DLL1: variants seen among roughly 807,000 people sequenced by gnomAD.
DLL1 encodes delta like canonical Notch ligand 1, also known as delta-like protein 1.
In DLL1, 9 loss-of-function variants were observed where a neutral mutation model predicts 75.1. The observed-to-expected ratio is 0.12, with a 90% confidence interval of 0.07 to 0.21. DLL1 has a LOEUF of 0.21. DLL1 is among the 10% of genes least tolerant of loss of function. DLL1 has a pLI of 1.00. For synonymous variants in DLL1, 477 were observed against 418.3 expected (o/e 1.14, Z -1.71); for missense variants, 837 against 1,007.6 (o/e 0.83, Z 2.29).
rs1436432721 is a variant in DLL1 at position 170,282,242 on chromosome 6, A to T, written c.*632T>A. 1.3e-5 allele frequency: 2 copies of T among 153,196 alleles called. No homozygotes were observed. The highest frequency in any genetic ancestry group is 2.4e-5 in the African/African-American group (1 of 41,478). 9.5% of individuals were successfully genotyped at this position (153,196 alleles called of 1,614,324 possible). A position where few individuals can be genotyped will look rare whatever the true frequency, so the allele number is the denominator to read the frequency against. ...AAAATTTATTTTGGAAAAATATTTT[A>T]AAAAGGAATTTCTTCATTAACAAAA... On this transcript the variant is annotated 3_prime_UTR_variant, in exon 11 of 11. Coordinates refer to ENST00000366756, the MANE Select transcript of DLL1 (RefSeq NM_005618.4).
rs552150624 is a variant in DLL1 at position 170,288,176 on chromosome 6, C to T, written c.670+63G>A. The T allele has an allele frequency of 2.9e-5, 46 of 1,611,260 alleles. No homozygotes were observed. In the Middle Eastern group the frequency reaches 5.0e-4, roughly 18 times the overall value. The stretch of plus-strand genomic sequence containing the variant: ...AAGCCCCCCGTGGCTCAGGAAGCCC[C>T]GTCCCTGCGCGCGGTCCGTGTTCGT... On this transcript the variant is annotated intron_variant, in intron 4 of 10. Coordinates refer to ENST00000366756, the MANE Select transcript of DLL1 (RefSeq NM_005618.4).
In DLL1 at chr6:170,283,732, C is replaced by A; in HGVS notation, c.1547G>T (p.Cys516Phe). Residue 516 changes from cysteine to phenylalanine, a missense_variant, in exon 9 of 11, where the codon TGC becomes TTC. Cys to Phe is a radical substitution (Grantham distance 205). This residue lies in a region of DLL1 where 533 missense variants were observed against 545.7 expected (regional missense o/e 0.98). Transcript: ENST00000366756. Reference sequence around the variant, plus strand: ...GGGCAGCTCGGGGAGCAGGAACTGGCAGTTGGGACCCCCGTAGCCTCGGGC... The same window carrying A: ...GGGCAGCTCGGGGAGCAGGAACTGGAAGTTGGGACCCCCGTAGCCTCGGGC... ...ECARGYGGPN[C>F]QFLLPELPPG... 1 of 1,553,974 alleles carries A rather than the reference C, an allele frequency of 6.4e-7. No individual in the cohort carries two copies. The highest frequency in any genetic ancestry group is 8.7e-7 in the Non-Finnish European group (1 of 1,149,948).
At position 170,283,791 on chromosome 6, in the gene DLL1, G is replaced by A; in HGVS notation, c.1488C>T (p.Cys496=). Reference sequence around the variant, plus strand: ...ACACATAGCGGTGGCCCCTCTCGTGGCAGGTGGCCCCATTGTGGCAGGGTG... The same window carrying A: ...ACACATAGCGGTGGCCCCTCTCGTGACAGGTGGCCCCATTGTGGCAGGGTG... ...EHAPCHNGAT[C]HERGHRYVCE... Residue 496 remains cysteine, a synonymous_variant, in exon 9 of 11, where the codon TGC becomes TGT. Transcript: ENST00000366756. 1 of 1,596,284 alleles carries A rather than the reference G, an allele frequency of 6.3e-7. No individual in the cohort carries two copies. The highest frequency in any genetic ancestry group is 8.5e-7 in the Non-Finnish European group (1 of 1,173,770).
At chr6:170,284,442 C>T (rs1000712488) in intron 8 of DLL1, among the ~76,000 whole-genome samples, 1 of 152,220 alleles carries the variant, frequency 6.6e-6, no homozygotes, top group African/African-American at 2.4e-5. Context: ...GAAGGATGAC[C>T]ATTCCGGAAT....
At position 170,284,972 on chromosome 6, in the gene DLL1, C is replaced by G. The variant is rs1783661618; in HGVS notation, c.1196G>C (p.Gly399Ala). ...YSCRCPVGYS[G>A]FNCEKKIDYC... Reference sequence around the variant, plus strand: ...GTCAATTTTCTTCTCACAGTTGAAGCCGGAGTAGCCCACGGGGCAGCGGCA... The same window carrying G: ...GTCAATTTTCTTCTCACAGTTGAAGGCGGAGTAGCCCACGGGGCAGCGGCA... Residue 399 changes from glycine (G) to alanine (A), a missense_variant, in exon 8 of 11, where the codon GGC becomes GCC. This residue lies in a region of DLL1 where 533 missense variants were observed against 545.7 expected (regional missense o/e 0.98). Transcript: ENST00000366756. The G allele has an allele frequency of 1.2e-6, 2 of 1,614,042 alleles. No individual in the cohort carries two copies. The highest frequency in any genetic ancestry group is 2.7e-5 in the African/African-American group (2 of 74,928).
intron 4 of DLL1, among the ~76,000 whole-genome samples, chr6:170,287,479 T>G (rs1783728346): frequency 6.6e-6 from 1 of 151,982 alleles, no homozygotes; most frequent in South Asian, 2.1e-4. Flanking sequence ...GCTCCTGAGG[T>G]CCCCATGAGC....
chr6:170,286,327 C>T, intron 4 of DLL1, 29 bp from the exon 5 acceptor site: 1 of 1,614,132 alleles, frequency 6.2e-7, no homozygotes, highest in South Asian at 1.1e-5. Flanking sequence ...CAGGGTCAAG[C>T]CCCACGCCAA....
rs976723747 is a variant in DLL1, at chr6:170,290,469, G to A, written c.-330C>T. On this transcript the variant is annotated 5_prime_UTR_variant, in exon 1 of 11. Coordinates refer to ENST00000366756, the MANE Select transcript of DLL1 (RefSeq NM_005618.4). The surrounding 1 kb of genome is among the most constrained non-coding windows in gnomAD (Gnocchi z 4.7). Reference sequence around the variant, plus strand: ...AGGAGGTGAGGGTCGCCGGCTTCCTGGTTTTGTCTTGAGCTTCTTCGCAGG... The same window carrying A: ...AGGAGGTGAGGGTCGCCGGCTTCCTAGTTTTGTCTTGAGCTTCTTCGCAGG... The A allele has an allele frequency of 1.2e-5, 4 of 340,034 alleles. No homozygotes were observed. Among genetic ancestry groups the A allele is most frequent in the Non-Finnish European group, 2.1e-5 (4 of 189,124 alleles). 21.1% of individuals were successfully genotyped at this position (340,034 alleles called of 1,614,324 possible).
chr6:170,289,450 A>T, intron 2 of DLL1, 62 bp downstream of exon 2: 1 of 1,521,270 alleles, frequency 6.6e-7, no homozygotes, highest in Non-Finnish European at 8.8e-7. Context: ...GCGGGATCCC[A>T]GCGCGTCCTG....
In DLL1 at chr6:170,282,972, T is replaced by G. The variant is rs571716316; in HGVS notation, c.2166+16A>C. On this transcript the variant is annotated intron_variant, in intron 10 of 10. Coordinates refer to ENST00000366756, the MANE Select transcript of DLL1 (RefSeq NM_005618.4). The stretch of plus-strand genomic sequence containing the variant: ...CCCATGCCGAGGAGGAGGGAGCGGC[T>G]GCTGCCTGCACTGACCTCAGTTGCT... The G allele has an allele frequency of 9.3e-6, 15 of 1,613,692 alleles. No individual in the cohort carries two copies. The highest frequency in any genetic ancestry group is 1.3e-5 in the Non-Finnish European group (15 of 1,179,688).
At chr6:170,288,176 C>G in intron 4 of DLL1, 63 bp downstream of exon 4, 2 of 1,611,260 alleles carry the variant, frequency 1.2e-6, no homozygotes, top group Non-Finnish European at 1.7e-6. Context: ...CAGGAAGCCC[C>G]GTCCCTGCGC....
Position 170,282,451 on chromosome 6 carries a change from A to C in DLL1, c.*423T>G. 1 of 237,720 alleles carries C rather than the reference A, an allele frequency of 4.2e-6. No homozygotes were observed. Among genetic ancestry groups the C allele is most frequent in the Non-Finnish European group, 8.2e-6 (1 of 121,698 alleles). 14.7% of individuals were successfully genotyped at this position (237,720 alleles called of 1,614,324 possible). A position where few individuals can be genotyped will look rare whatever the true frequency, so the allele number is the denominator to read the frequency against. On this transcript the variant is annotated 3_prime_UTR_variant, in exon 11 of 11. Transcript: ENST00000366756. ...TGAAAAATATTTTTACAAATCCAAAAAATAACACACATCTTTTCCATCTAG... is the reference window on the plus strand; with the variant it reads ...TGAAAAATATTTTTACAAATCCAAACAATAACACACATCTTTTCCATCTAG...
Position 170,289,292 on chromosome 6 carries a change from C to T in DLL1, c.351+220G>A, listed in dbSNP as rs1173834174. The T allele has an allele frequency of 1.2e-5, 9 of 758,950 alleles. No individual in the cohort carries two copies. In the African/African-American group the frequency reaches 1.6e-4, roughly 13 times the overall value. The allele number at this position is 758,950 out of a possible 1,614,324, so 47.0% of individuals were successfully genotyped here. ...GGCGCGCTCGGCCTCTCCTCCTCGC[C>T]CCAGCGCGGTCCCCTCCTGCAGGCC... is the stretch of plus-strand genomic sequence containing the variant. On this transcript the variant is annotated intron_variant, in intron 2 of 10. Coordinates refer to ENST00000366756, the MANE Select transcript of DLL1 (RefSeq NM_005618.4).
chr6:170,284,768 A>T, intron 8 of DLL1, 151 bp downstream of exon 8: 1 of 851,550 alleles, frequency 1.2e-6, no homozygotes, highest in Non-Finnish European at 2.0e-6. Context: ...GCCTTTCCAG[A>T]CTCAAAGATA....
chr6:170,285,469 A>G (rs1226236572), intron 6 of DLL1, 46 bp from the exon 7 acceptor site: 1 of 1,614,084 alleles, frequency 6.2e-7, no homozygotes, highest in Non-Finnish European at 8.5e-7. Flanking sequence ...GAAGCTCGAC[A>G]TCAAATGCAG....
At chr6:170,284,877 C>T (rs140059425) in intron 8 of DLL1, 42 bp downstream of exon 8, 74 of 1,594,896 alleles carry the variant, frequency 4.6e-5, no homozygotes, top group African/African-American at 8.0e-5. Context: ...CAGTATTGAC[C>T]GCTCGCCCGA....
rs749409235 is a variant in DLL1 at position 170,290,170 on chromosome 6, G to C, written c.-31C>G. On this transcript the variant is annotated 5_prime_UTR_variant, in exon 1 of 11. Transcript: ENST00000366756. This position sits in a 1 kb window ranked among gnomAD's most constrained non-coding sequence, Gnocchi z 4.7. ...TTCGCTCCACGCGCGAGCCTGGGGG[G>C]CCCCCACTTCTCTCCTTAGAACAGC... The C allele has an allele frequency of 1.9e-6, 3 of 1,586,836 alleles. No individual in the cohort carries two copies. In the African/African-American group the frequency reaches 4.1e-5, roughly 21 times the overall value.
At chr6:170,283,178 C>T in intron 9 of DLL1, 53 bp downstream of exon 9, 1 of 1,613,662 alleles carries the variant, frequency 6.2e-7, no homozygotes, top group East Asian at 2.2e-5. Context: ...GCAGTGGTTC[C>T]AGGAAGACAC....
At chr6:170,289,927 G>T in intron 1 of DLL1, 119 bp from the exon 2 acceptor site, 2 of 1,336,058 alleles carry the variant, frequency 1.5e-6, no homozygotes, top group Non-Finnish European at 2.0e-6. Context: ...CGCGCTCGCT[G>T]CACGGCCGGC....
Sources: allele counts gnomAD v4.1 joint callset (sites outside exome capture counted in the v4.1 genomes callset), GRCh38; gene constraint gnomAD v4.1.1; regional missense constraint gnomAD v4.1.1; non-coding constraint Gnocchi (gnomAD v3.1); transcripts MANE v1.5; gene names NCBI Gene and HGNC (gene_info 2026-07-23, HGNC 2026-07-21).